Variants in CENPU observed in about 807,000 individuals in gnomAD.
CENPU encodes centromere protein U.
CENPU carries 46 observed loss-of-function variants against 56.7 expected under a neutral mutation model. The observed-to-expected ratio is 0.81, with a 90% CI of 0.64 to 1.04. CENPU has a LOEUF of 1.04. Ranked by LOEUF, CENPU falls within the 50% of genes least tolerant of loss-of-function variation. CENPU has a pLI of 0.00. For synonymous variants in CENPU, 166 were observed against 163.0 expected (o/e 1.02, Z -0.14); for missense variants, 510 against 490.1 (o/e 1.04, Z -0.38).
At chr4:184,722,928 A>C (rs1376960003) in intron 4 of CENPU, among the ~76,000 whole-genome samples, 2 of 152,240 alleles carry the variant, frequency 1.3e-5, no homozygotes, top group Admixed American at 1.3e-4. Flanking sequence ...ACATTGGCAA[A>C]AATCCAAGTT....
intron 3 of CENPU, among the ~76,000 whole-genome samples, chr4:184,726,148 C>T (rs1023311344): frequency 2.0e-5 from 3 of 152,158 alleles, no homozygotes; most frequent in South Asian, 4.2e-4. Flanking sequence ...TTGCCCTCCA[C>T]GAGGCAAAGG....
chr4:184,730,101 G>A lies in CENPU; in HGVS notation c.96+819C>T, dbSNP rs866542407. Reference sequence around the variant, plus strand: ...TCCACCAGGGACTGCCTTGCAGAGGGAAGGACAGGAAAGCTGAATCCATTC... The same window carrying A: ...TCCACCAGGGACTGCCTTGCAGAGGAAAGGACAGGAAAGCTGAATCCATTC... On this transcript the variant is annotated intron_variant, in intron 2 of 12. Transcript: ENST00000281453. 1.1e-4 allele frequency among the ~76,000 whole-genome samples: 16 copies of A among 152,320 alleles called. No homozygotes were observed. In the Middle Eastern group the frequency reaches 0.01, roughly 97 times the overall value.
chr4:184,715,986 G>A (rs1409358921), intron 6 of CENPU, among the ~76,000 whole-genome samples: 2 of 149,804 alleles, frequency 1.3e-5, no homozygotes, highest in African/African-American at 4.9e-5. Flanking sequence ...AGGCTGGAGT[G>A]CAATGGCGCA....
At chr4:184,698,647 A>G (rs2150199868) in intron 11 of CENPU, among the ~76,000 whole-genome samples, 1 of 152,202 alleles carries the variant, frequency 6.6e-6, no homozygotes, top group South Asian at 2.1e-4. Flanking sequence ...ACGGGGTTTC[A>G]CCATGTTGGC....
intron 10 of CENPU, 83 bp from the exon 11 acceptor site, chr4:184,700,964 G>A: frequency 8.8e-7 from 1 of 1,131,760 alleles, no homozygotes; most frequent in South Asian, 1.3e-5. Context: ...ATGAAGTGCA[G>A]TGGAAAACAA....
intron 11 of CENPU, among the ~76,000 whole-genome samples, chr4:184,699,785 C>T (rs1323817392): frequency 6.6e-6 from 1 of 152,024 alleles, no homozygotes; most frequent in African/African-American, 2.4e-5. Context: ...CTCAACCTCC[C>T]GAGTAGCTTG....
At chr4:184,714,271 T>C (rs1381063617) in intron 6 of CENPU, among the ~76,000 whole-genome samples, 1 of 152,196 alleles carries the variant, frequency 6.6e-6, no homozygotes, top group Non-Finnish European at 1.5e-5. Context: ...CTAGAAGATA[T>C]TCTGTAGGCT....
chr4:184,719,101 T>C (rs1761189835), intron 4 of CENPU, among the ~76,000 whole-genome samples: 1 of 152,088 alleles, frequency 6.6e-6, no homozygotes, highest in African/African-American at 2.4e-5. Context: ...AGGAGCAAGA[T>C]GGCTGAACAG....
intron 1 of CENPU, 47 bp from the exon 2 acceptor site, chr4:184,731,015 A>G: frequency 7.4e-7 from 1 of 1,343,374 alleles, no homozygotes; most frequent in Non-Finnish European, 1.0e-6. Context: ...AGTTAAAATA[A>G]CTGAGGAAAC....
chr4:184,717,132 A>C lies in CENPU; in HGVS notation c.381+4T>G. The C allele has an allele frequency of 6.2e-7, 1 of 1,602,312 alleles. No homozygotes were observed. The highest frequency in any genetic ancestry group is 8.5e-7 in the Non-Finnish European group (1 of 1,171,230). On this transcript the variant is annotated splice_donor_region_variant and intron_variant, in intron 5 of 12. Coordinates refer to ENST00000281453, the MANE Select transcript of CENPU (RefSeq NM_024629.4). ...AAAGTAGAAGAGTGAATACTCCTACATACCTTTTTTGCACTAATTTTTACA... is the reference window on the plus strand; with the variant it reads ...AAAGTAGAAGAGTGAATACTCCTACCTACCTTTTTTGCACTAATTTTTACA...
At chr4:184,727,914 A>G (rs1011332408) in intron 3 of CENPU, among the ~76,000 whole-genome samples, 1 of 152,254 alleles carries the variant, frequency 6.6e-6, no homozygotes, top group African/African-American at 2.4e-5. Flanking sequence ...CTAGGATTCC[A>G]CTGATATGTC....
At chr4:184,709,098 T>C (rs1760832409) in intron 8 of CENPU, among the ~76,000 whole-genome samples, 2 of 152,122 alleles carry the variant, frequency 1.3e-5, no homozygotes, top group Admixed American at 1.3e-4. Flanking sequence ...GACTAAACAG[T>C]TGAAATTCAA....
intron 2 of CENPU, among the ~76,000 whole-genome samples, chr4:184,730,225 T>C (rs1370863199): frequency 1.3e-5 from 2 of 152,126 alleles, no homozygotes; most frequent in African/African-American, 4.8e-5. Context: ...GCAGGACAGC[T>C]GAGAGAAATC....
Position 184,730,980 on chromosome 4 carries a change from C to CA in CENPU, c.48-13dup, listed in dbSNP as rs753474833. 2.6e-5 allele frequency: 40 copies of CA among 1,546,870 alleles called. No homozygotes were observed. Among genetic ancestry groups the CA allele is most frequent in the South Asian group, 1.1e-4 (9 of 80,974 alleles). ...TTGAACGTCTTGCGCTATTAAACAG[C>CA]AAAAAAACACAAGAGTTAGGAAATA... On this transcript the variant is annotated splice_polypyrimidine_tract_variant and intron_variant, in intron 1 of 12. Coordinates refer to ENST00000281453, the MANE Select transcript of CENPU (RefSeq NM_024629.4).
chr4:184,702,894 G>A (rs1269227852), intron 8 of CENPU, among the ~76,000 whole-genome samples: 1 of 152,116 alleles, frequency 6.6e-6, no homozygotes, highest in Non-Finnish European at 1.5e-5. Context: ...TGCTGCAAAG[G>A]ACATGATTTT....
intron 10 of CENPU, among the ~76,000 whole-genome samples, chr4:184,701,259 T>C (rs1463374022): frequency 6.6e-6 from 1 of 152,166 alleles, no homozygotes. Flanking sequence ...AAAGAAATAT[T>C]TCATATTTTA....
At chr4:184,708,222 C>CAAAAAA (rs11322939) in intron 8 of CENPU, among the ~76,000 whole-genome samples, 3 of 89,838 alleles carry the variant, frequency 3.3e-5, no homozygotes, top group Non-Finnish European at 6.8e-5. Flanking sequence ...GACTCCATCT[C>CAAAAAA]AAAAAAAAAA....
intron 11 of CENPU, among the ~76,000 whole-genome samples, chr4:184,698,683 C>T (rs1316152833): frequency 1.3e-5 from 2 of 152,138 alleles, no homozygotes; most frequent in African/African-American, 4.8e-5. Flanking sequence ...CTCCTGACCT[C>T]AGTGATCCAC....
chr4:184,720,460 G>T (rs1279938530), intron 4 of CENPU, among the ~76,000 whole-genome samples: 1 of 152,116 alleles, frequency 6.6e-6, no homozygotes, highest in Non-Finnish European at 1.5e-5. Flanking sequence ...GGGGTAGAAA[G>T]TTTATTCAAA....
Sources: gnomAD v4.1 joint callset for allele counts (sites outside exome capture counted in the v4.1 genomes callset) on GRCh38, gnomAD v4.1.1 for gene constraint, MANE v1.5 for transcripts, NCBI Gene and HGNC (gene_info 2026-07-23, HGNC 2026-07-21) for gene names.